ADSS1: variants seen among roughly 807,000 people sequenced by gnomAD.
ADSS1 encodes adenylosuccinate synthase 1.
In ADSS1, 57 loss-of-function variants were observed where a neutral mutation model predicts 59.1. The ratio of observed to expected loss-of-function variants is 0.97; its 90% CI spans 0.78 to 1.20. ADSS1 has a LOEUF of 1.20. Ranked by LOEUF, ADSS1 falls within the 50% of genes most tolerant of loss-of-function variation. The probability of loss-of-function intolerance (pLI) is 0.00; values close to 1 mark genes in which losing one functional copy is unlikely to be tolerated. For synonymous variants in ADSS1, 247 were observed against 249.4 expected (o/e 0.99, Z 0.09); for missense variants, 603 against 610.3 (o/e 0.99, Z 0.13).
At chr14:104,728,664 C>T (rs575912675) in intron 1 of ADSS1, among the ~76,000 whole-genome samples, 1 of 152,320 alleles carries the variant, frequency 6.6e-6, no homozygotes, top group East Asian at 1.9e-4. Flanking sequence ...CCATTGAGTG[C>T]CAGTGCCAAG....
In ADSS1 at chr14:104,746,279, G is replaced by A. The variant is rs748240844; in HGVS notation, c.1215G>A (p.Thr405=). 6.2e-6 allele frequency: 10 copies of A among 1,613,472 alleles called. No individual in the cohort carries two copies. Among genetic ancestry groups the A allele is most frequent in the Admixed American group, 3.3e-5 (2 of 59,988 alleles). Residue 405 remains threonine (T), a synonymous_variant, in exon 12 of 13, where the codon ACG becomes ACA. Coordinates refer to ENST00000330877, the MANE Select transcript of ADSS1 (RefSeq NM_152328.5). ...AGAAGGTCGAAGTTGAGTATGAAACGCTGCCTGGGTGGAAAGCAGACACCA... is the reference window on the plus strand; with the variant it reads ...AGAAGGTCGAAGTTGAGTATGAAACACTGCCTGGGTGGAAAGCAGACACCA... The part of the protein sequence containing the change: ...MLQKVEVEYE[T]LPGWKADTTG...
At chr14:104,733,750 A>T (rs999778865) in intron 1 of ADSS1, among the ~76,000 whole-genome samples, 2 of 152,120 alleles carry the variant, frequency 1.3e-5, no homozygotes, top group Non-Finnish European at 2.9e-5. Flanking sequence ...CTGGGGACAG[A>T]GTGGGCCCCA....
chr14:104,738,544 G>C, intron 3 of ADSS1, 106 bp downstream of exon 3: 1 of 1,319,540 alleles, frequency 7.6e-7, no homozygotes, highest in Non-Finnish European at 1.1e-6. Flanking sequence ...GACTGGCAGG[G>C]GTGGGTTCCC....
rs751704623 is a variant in ADSS1 at position 104,740,784 on chromosome 14, C to T, written c.585-55C>T. The T allele has an allele frequency of 2.3e-4, 371 of 1,612,618 alleles. 1 individual carries two copies. The highest frequency in any genetic ancestry group is 2.9e-4 in the Non-Finnish European group (346 of 1,179,108). Reference sequence around the variant, plus strand: ...AGGGACTGTGGCTAGTGGGGAGGGCCCTGAGGACCAGCATGGACCATGACA... The same window carrying T: ...AGGGACTGTGGCTAGTGGGGAGGGCTCTGAGGACCAGCATGGACCATGACA... On this transcript the variant is annotated intron_variant, in intron 6 of 12. Transcript: ENST00000330877. This position sits in a 1 kb window ranked among gnomAD's most constrained non-coding sequence, Gnocchi z 4.8.
rs1336410270 is a variant in ADSS1 at position 104,740,476 on chromosome 14, A to G, written c.477-125A>G. ...CCACACACGCACACACTCACAGCTCAGCCAGACACAGGCAGCAATGGTGGG... is the reference window on the plus strand; with the variant it reads ...CCACACACGCACACACTCACAGCTCGGCCAGACACAGGCAGCAATGGTGGG... On this transcript the variant is annotated intron_variant, in intron 5 of 12. Transcript: ENST00000330877. The surrounding 1 kb of genome is among the most constrained non-coding windows in gnomAD (Gnocchi z 4.8). 6.2e-6 allele frequency: 5 copies of G among 810,214 alleles called. No individual in the cohort carries two copies. The African/African-American group carries it at 6.9e-5, about 11-fold the overall frequency. 50.2% of individuals were successfully genotyped at this position (810,214 alleles called of 1,614,324 possible).
At position 104,740,241 on chromosome 14, in the gene ADSS1, ACT is replaced by A. The variant is rs1193078856; in HGVS notation, c.477-356_477-355del. Among the ~76,000 whole-genome samples, 9 of 151,848 alleles carry A rather than the reference ACT, an allele frequency of 5.9e-5. No individual in the cohort carries two copies. The highest frequency in any genetic ancestry group is 2.2e-4 in the African/African-American group (9 of 41,290). ...GATGGTCACACACTTACCCACTCACACTCTCACACAGGCACACACTCATGCTC... is the reference window on the plus strand; with the variant it reads ...GATGGTCACACACTTACCCACTCACACTCACACAGGCACACACTCATGCTC... On this transcript the variant is annotated intron_variant, in intron 5 of 12. Coordinates refer to ENST00000330877, the MANE Select transcript of ADSS1 (RefSeq NM_152328.5). The surrounding 1 kb of genome is among the most constrained non-coding windows in gnomAD (Gnocchi z 4.8).
chr14:104,735,233 CAGT>C (rs1194929705), intron 2 of ADSS1, 111 bp downstream of exon 2: 1 of 1,012,972 alleles, frequency 9.9e-7, no homozygotes, highest in East Asian at 2.7e-5. Context: ...ACTGCTCTAG[CAGT>C]AGGCTGGACC....
chr14:104,725,681 C>T (rs548775090), intron 1 of ADSS1, among the ~76,000 whole-genome samples: 44 of 152,302 alleles, frequency 2.9e-4, no homozygotes, highest in Admixed American at 1.2e-3. Context: ...GCCCATGCTC[C>T]CTCCACACTG....
rs777521966 is a variant in ADSS1, at chr14:104,739,342, G to C, written c.373G>C (p.Glu125Gln). ...TGTCCCCGCAGGCCTGAAGGACTGG[G>C]AGAAGAGGCTCATCATCTCTGACAG... ...KNEKKGLKDW[E>Q]KRLIISDRAH... Residue 125 changes from glutamate to glutamine, a missense_variant, in exon 4 of 13, where the codon GAG becomes CAG. By Grantham distance (29) the Glu-to-Gln change is conservative. Coordinates refer to ENST00000330877, the MANE Select transcript of ADSS1 (RefSeq NM_152328.5). The C allele has an allele frequency of 1.9e-6, 3 of 1,609,168 alleles. No homozygotes were observed. In the African/African-American group the frequency reaches 4.0e-5, roughly 22 times the overall value.
chr14:104,746,926 A>C, intron 12 of ADSS1, 25 bp from the exon 13 acceptor site: 1 of 1,613,550 alleles, frequency 6.2e-7, no homozygotes, highest in South Asian at 1.1e-5. Context: ...AGTGTGTATC[A>C]TAACAGTCTT....
At chr14:104,738,495 G>A in intron 3 of ADSS1, 57 bp downstream of exon 3, 1 of 1,584,874 alleles carries the variant, frequency 6.3e-7, no homozygotes, top group African/African-American at 1.3e-5. Flanking sequence ...CTGAGCGGTT[G>A]TTGGCTGGAG....
In ADSS1 at chr14:104,735,055, T is replaced by C; in HGVS notation, c.228T>C (p.Asp76=). The C allele has an allele frequency of 6.2e-7, 1 of 1,613,514 alleles. No homozygotes were observed. The highest frequency in any genetic ancestry group is 8.5e-7 in the Non-Finnish European group (1 of 1,179,760). The change falls in exon 2 of 13, where the codon GAT becomes GAC. Residue 76 remains aspartate (D), a synonymous_variant. Coordinates refer to ENST00000330877, the MANE Select transcript of ADSS1 (RefSeq NM_152328.5). ...GNNAGHTVVV[D]GKEYDFHLLP... The stretch of plus-strand genomic sequence containing the variant: ...ACGCCGGCCACACGGTGGTGGTGGA[T>C]GGGAAAGAGTACGACTTCCACCTGC...
At chr14:104,725,697 G>A (rs914895468) in intron 1 of ADSS1, among the ~76,000 whole-genome samples, 3 of 152,180 alleles carry the variant, frequency 2.0e-5, no homozygotes, top group Non-Finnish European at 4.4e-5. Flanking sequence ...CACTGCCTCT[G>A]CCCCGCCACC....
intron 10 of ADSS1, chr14:104,744,606 G>A: frequency 1.7e-6 from 1 of 575,980 alleles, no homozygotes; most frequent in South Asian, 2.1e-5. Flanking sequence ...ACAGGAGGTG[G>A]AGCTCAGGCC....
chr14:104,739,099 T>C (rs1595206467), intron 3 of ADSS1, among the ~76,000 whole-genome samples: 1 of 151,456 alleles, frequency 6.6e-6, no homozygotes, highest in Non-Finnish European at 1.5e-5. Flanking sequence ...GGCACGAGAG[T>C]GGGCATCCTG....
At chr14:104,737,516 C>T (rs1360301725) in intron 2 of ADSS1, 2 of 152,186 alleles carry the variant, frequency 1.3e-5, no homozygotes, top group Admixed American at 6.5e-5. Context: ...TGCCGAGTTT[C>T]GGCGATTATG....
At chr14:104,725,381 G>T (rs1036271477) in intron 1 of ADSS1, among the ~76,000 whole-genome samples, 3 of 152,304 alleles carry the variant, frequency 2.0e-5, no homozygotes, top group African/African-American at 7.2e-5. Context: ...GAGCCTGCCT[G>T]GGGCTGCTGC....
chr14:104,729,975 C>T (rs2140753486), intron 1 of ADSS1: 1 of 1,594,774 alleles, frequency 6.3e-7, no homozygotes, highest in Middle Eastern at 1.7e-4. Context: ...ACCCTCAGCT[C>T]GTCCCCAGCT....
chr14:104,744,617 G>A (rs929807542), intron 10 of ADSS1, 195 bp from the exon 11 acceptor site: 28 of 584,336 alleles, frequency 4.8e-5, no homozygotes, highest in South Asian at 1.6e-4. Flanking sequence ...AGCTCAGGCC[G>A]TAATGCTAGC....
Sources: allele counts gnomAD v4.1 joint callset (sites outside exome capture counted in the v4.1 genomes callset), GRCh38; gene constraint gnomAD v4.1.1; non-coding constraint Gnocchi (gnomAD v3.1); transcripts MANE v1.5; gene names NCBI Gene and HGNC (gene_info 2026-07-23, HGNC 2026-07-21).